The following PTPRM variants were observed in gnomAD, a reference collection of about 807,000 sequenced individuals.
PTPRM encodes receptor-type tyrosine-protein phosphatase mu.
A neutral mutation model predicts 186.7 loss-of-function variants in PTPRM; 47 were observed. The ratio of observed to expected loss-of-function variants is 0.25; its 90% CI spans 0.20 to 0.32. PTPRM has a LOEUF of 0.32. Ranked by LOEUF, PTPRM falls within the 10% of genes least tolerant of loss-of-function variation. The pLI is 1.00. For missense variants in PTPRM, 1,494 were observed against 1,865.0 expected (o/e 0.80, Z 3.66); for synonymous variants, 668 against 674.9 (o/e 0.99, Z 0.16).
chr18:8,186,362 G>GTTTCTT (rs2093642538), intron 14 of PTPRM, among the ~76,000 whole-genome samples: 1 of 149,046 alleles, frequency 6.7e-6, no homozygotes, highest in South Asian at 2.1e-4. Context: ...AAAGTATTTT[G>GTTTCTT]TTTCTTTGTA....
At chr18:8,168,143 A>G (rs2093349715) in intron 14 of PTPRM, among the ~76,000 whole-genome samples, 1 of 152,146 alleles carries the variant, frequency 6.6e-6, no homozygotes. Flanking sequence ...TTTTTCATGT[A>G]TTTCAATATT....
intron 21 of PTPRM, among the ~76,000 whole-genome samples, chr18:8,317,165 G>GAAGCC (rs74525005): frequency 0.055 from 8,302 of 152,180 alleles, 296 homozygotes; most frequent in East Asian, 0.094. Flanking sequence ...AGGAAGCAGA[G>GAAGCC]AAGCCTGCTA....
intron 23 of PTPRM, among the ~76,000 whole-genome samples, chr18:8,344,458 A>G (rs201158986): frequency 1.6e-4 from 12 of 74,834 alleles, no homozygotes; most frequent in Non-Finnish European, 2.3e-4. Context: ...GTATATATAT[A>G]TATATATATA....
chr18:7,647,890 C>T (rs1266175903), intron 1 of PTPRM, among the ~76,000 whole-genome samples: 1 of 152,234 alleles, frequency 6.6e-6, no homozygotes, highest in African/African-American at 2.4e-5. Flanking sequence ...GCACATGCTG[C>T]TGGTCTTTGG....
chr18:7,756,075 A>G (rs980623352), intron 1 of PTPRM, among the ~76,000 whole-genome samples: 2 of 152,128 alleles, frequency 1.3e-5, no homozygotes, highest in Non-Finnish European at 2.9e-5. Context: ...TCCAGCTTTG[A>G]TATTAATTTC....
rs1345150139 is a variant in PTPRM, at chr18:8,019,831, C to A, written c.1133-49855C>A. On this transcript the variant is annotated intron_variant, in intron 7 of 32. Transcript: ENST00000580170. ...ATAAATAATATTTATTTATAATATA[C>A]TTGTTTAAATATATAAATTTAACTT... Among the ~76,000 whole-genome samples, 3 of 147,566 alleles carry A rather than the reference C, an allele frequency of 2.0e-5. No individual in the cohort carries two copies. In the East Asian group the frequency reaches 5.9e-4, roughly 29 times the overall value.
At chr18:7,943,392 G>A (rs2052317485) in intron 5 of PTPRM, among the ~76,000 whole-genome samples, 1 of 152,100 alleles carries the variant, frequency 6.6e-6, no homozygotes. Flanking sequence ...TGATTCCAAA[G>A]TGGGGTACTC....
At chr18:8,107,323 A>G (rs1486505774) in intron 11 of PTPRM, among the ~76,000 whole-genome samples, 1 of 152,188 alleles carries the variant, frequency 6.6e-6, no homozygotes, top group Non-Finnish European at 1.5e-5. Flanking sequence ...GTGGCCTTTT[A>G]CAGAGCTTCT....
intron 7 of PTPRM, among the ~76,000 whole-genome samples, chr18:8,005,150 A>C (rs550790669): frequency 6.6e-6 from 1 of 152,332 alleles, no homozygotes; most frequent in Admixed American, 6.5e-5. Context: ...TGCATGGAAA[A>C]ATATACTCAA....
chr18:8,390,523 A>G (rs2095804139), intron 31 of PTPRM, among the ~76,000 whole-genome samples: 1 of 152,230 alleles, frequency 6.6e-6, no homozygotes, highest in Non-Finnish European at 1.5e-5. Context: ...GTGTCTGACA[A>G]AGGACTCGGC....
rs144239442 is a variant in PTPRM, at chr18:8,196,354, G to T, written c.2301-47704G>T. 1.2e-4 allele frequency among the ~76,000 whole-genome samples: 19 copies of T among 152,282 alleles called. No individual in the cohort carries two copies. The East Asian group carries it at 2.7e-3, about 22-fold the overall frequency. On this transcript the variant is annotated intron_variant, in intron 14 of 32. Coordinates refer to ENST00000580170, the MANE Select transcript of PTPRM (RefSeq NM_001105244.2). ...TTTTCAGGTGAAGTCCTATACCTCT[G>T]TTCCTTAGTGCTATTACTGTTAGAG...
chr18:7,793,217 G>A (rs1307583460), intron 2 of PTPRM, among the ~76,000 whole-genome samples: 4 of 152,172 alleles, frequency 2.6e-5, no homozygotes, highest in South Asian at 2.1e-4. Context: ...AGCTGTTAGC[G>A]TAGTTGTTAA....
chr18:8,265,987 A>G (rs2094696192), intron 19 of PTPRM, among the ~76,000 whole-genome samples: 1 of 151,892 alleles, frequency 6.6e-6, no homozygotes, highest in African/African-American at 2.4e-5. Context: ...CGTATGATCC[A>G]CAGGCACTTC....
At chr18:8,367,716 G>A in intron 23 of PTPRM, among the ~76,000 whole-genome samples, 1 of 152,226 alleles carries the variant, frequency 6.6e-6, no homozygotes, top group Non-Finnish European at 1.5e-5. Context: ...TGAAGGAGTT[G>A]GGAGCGCATC....
chr18:7,755,212 AC>A (rs1419963896), intron 1 of PTPRM: 1 of 152,090 alleles, frequency 6.6e-6, no homozygotes, highest in Non-Finnish European at 1.5e-5. Flanking sequence ...CATTAAAAAC[AC>A]AGACAAACCA....
At chr18:8,314,758 T>TA in intron 20 of PTPRM, 23 bp from the exon 21 acceptor site, 3 of 1,600,056 alleles carry the variant, frequency 1.9e-6, no homozygotes, top group African/African-American at 1.3e-5. Context: ...TAATCGTTAT[T>TA]TTCTGTCCCT....
intron 31 of PTPRM, among the ~76,000 whole-genome samples, chr18:8,393,526 A>C (rs2095828389): frequency 6.6e-6 from 1 of 152,212 alleles, no homozygotes; most frequent in Non-Finnish European, 1.5e-5. Flanking sequence ...CCTGGACCAG[A>C]AAAAGGACAT....
At chr18:8,159,278 G>C (rs2093182516) in intron 14 of PTPRM, among the ~76,000 whole-genome samples, 1 of 152,114 alleles carries the variant, frequency 6.6e-6, no homozygotes, top group Admixed American at 6.6e-5. Flanking sequence ...TCCTTACAGA[G>C]TGTGCTTTTT....
In PTPRM at chr18:7,955,144, C is replaced by A; in HGVS notation, c.862C>A (p.Pro288Thr). The change falls in exon 7 of 33, where the codon CCT becomes ACT. Residue 288 changes from proline (P) to threonine (T), a missense_variant. Transcript: ENST00000580170. ...VKEPPVPIAP[P>T]QLASVGATYL... Reference sequence around the variant, plus strand: ...AGAACCACCCGTTCCTATTGCCCCACCTCAGCTCGCCTCTGTAGGAGCCAC... The same window carrying A: ...AGAACCACCCGTTCCTATTGCCCCAACTCAGCTCGCCTCTGTAGGAGCCAC... 1 of 1,609,548 alleles carries A rather than the reference C, an allele frequency of 6.2e-7. No homozygotes were observed. The highest frequency in any genetic ancestry group is 8.5e-7 in the Non-Finnish European group (1 of 1,176,204).
Sources: allele counts gnomAD v4.1 joint callset (sites outside exome capture counted in the v4.1 genomes callset), GRCh38; gene constraint gnomAD v4.1.1; transcripts MANE v1.5; gene names NCBI Gene and HGNC (gene_info 2026-07-23, HGNC 2026-07-21).